The following DSCAML1 variants were observed in gnomAD, a reference collection of about 807,000 sequenced individuals.
The protein encoded by DSCAML1 is DS cell adhesion molecule like 1.
Under a neutral mutation model 200.5 loss-of-function variants are expected in DSCAML1, and 38 were observed. That is an observed-to-expected ratio of 0.19 (90% CI 0.15 to 0.25). The LOEUF (loss-of-function observed/expected upper bound fraction) is 0.25, where lower values mean the gene tolerates loss of function less well. Among genes scored for constraint, DSCAML1 ranks in the 10% least tolerant of loss-of-function variants. The pLI is 1.00. For synonymous variants in DSCAML1, 1,215 were observed against 1,165.0 expected, an observed-to-expected ratio of 1.04 and a Z score of -0.87; for missense variants, 2,223 against 2,858.8, an observed-to-expected ratio of 0.78 and a Z score of 5.07.
chr11:117,777,323 A>G lies in DSCAML1; in HGVS notation c.365-386T>C, dbSNP rs912540112. On this transcript the variant is annotated intron_variant, in intron 2 of 32. Coordinates refer to ENST00000651296, the MANE Select transcript of DSCAML1 (RefSeq NM_020693.4). ...TATTCACCAAGGGGATGTGCAGGTA[A>G]TAAGGAAATATGCTAGAATTCCCCT... Among the ~76,000 whole-genome samples, 6 of 152,330 alleles carry G rather than the reference A, an allele frequency of 3.9e-5. No individual in the cohort carries two copies. In the South Asian group the frequency reaches 8.3e-4, roughly 21 times the overall value.
chr11:117,687,426 A>ATTTTAAATTTTTT (rs552784985), intron 3 of DSCAML1, among the ~76,000 whole-genome samples: 5 of 97,684 alleles, frequency 5.1e-5, no homozygotes, highest in African/African-American at 2.1e-4. Context: ...ATGCCTGGCT[A>ATTTTAAATTTTTT]TTTTTTTTTT....
rs372349857 is a variant in DSCAML1, at chr11:117,505,067, A to C, written c.2063-24T>G. Reference sequence around the variant, plus strand: ...CACTGCAGAAAGAGGGAAGGTAGGGAAACAGACCATTTTAGTCTCTGATGG... The same window carrying C: ...CACTGCAGAAAGAGGGAAGGTAGGGCAACAGACCATTTTAGTCTCTGATGG... On this transcript the variant is annotated intron_variant, in intron 9 of 32. Coordinates refer to ENST00000651296, the MANE Select transcript of DSCAML1 (RefSeq NM_020693.4). The surrounding 1 kb of genome is among the most constrained non-coding windows in gnomAD (Gnocchi z 6.7). 1.2e-6 allele frequency: 2 copies of C among 1,603,436 alleles called. No individual in the cohort carries two copies. Among genetic ancestry groups the C allele is most frequent in the African/African-American group, 2.7e-5 (2 of 74,718 alleles).
chr11:117,769,169 TTTTA>T (rs1358596616), intron 3 of DSCAML1, among the ~76,000 whole-genome samples: 4 of 24,978 alleles, frequency 1.6e-4, no homozygotes, highest in East Asian at 0.011. Context: ...ATATTATATA[TTTTA>T]TATATATTAT....
At chr11:117,549,398 T>C (rs1173271030) in intron 3 of DSCAML1, among the ~76,000 whole-genome samples, 2 of 152,190 alleles carry the variant, frequency 1.3e-5, no homozygotes, top group Non-Finnish European at 1.5e-5. Context: ...GAATGGATGA[T>C]TGAATGAGCG....
chr11:117,636,209 G>C (rs758015631), intron 3 of DSCAML1, among the ~76,000 whole-genome samples: 8 of 152,190 alleles, frequency 5.3e-5, no homozygotes, highest in Non-Finnish European at 1.2e-4. Context: ...TCATCTGCAT[G>C]ATGGCTACAT....
chr11:117,456,667 A>G (rs994877287), intron 19 of DSCAML1, among the ~76,000 whole-genome samples: 2 of 72,658 alleles, frequency 2.8e-5, no homozygotes, highest in African/African-American at 1.2e-4. Context: ...TGAAGCAGTC[A>G]TTTCTTTTTT....
intron 3 of DSCAML1, among the ~76,000 whole-genome samples, chr11:117,715,374 TG>T (rs2053933810): frequency 6.6e-6 from 1 of 152,160 alleles, no homozygotes; most frequent in Non-Finnish European, 1.5e-5. Context: ...CGACTCCCTT[TG>T]TACCCCCAGC....
Position 117,541,417 on chromosome 11 carries a change from G to C in DSCAML1, c.512-8895C>G, listed in dbSNP as rs570842821. Among the ~76,000 whole-genome samples the C allele has an allele frequency of 7.2e-5, 11 of 152,340 alleles. 1 individual carries two copies. In the South Asian group the frequency reaches 1.9e-3, roughly 26 times the overall value. ...CACAGCAGATGCTCAGTGAACATCT[G>C]ATGTGTTGAATCAATGAATCCTGGC... On this transcript the variant is annotated intron_variant, in intron 3 of 32. Transcript: ENST00000651296.
At chr11:117,726,275 G>T (rs2054129607) in intron 3 of DSCAML1, among the ~76,000 whole-genome samples, 1 of 151,916 alleles carries the variant, frequency 6.6e-6, no homozygotes, top group South Asian at 2.1e-4. Flanking sequence ...GCGTGTGTGT[G>T]TGTGTGTGTG....
In DSCAML1 at chr11:117,521,276, A is replaced by C; in HGVS notation, c.1067T>G (p.Leu356Arg). 6.2e-7 allele frequency: 1 copy of C among 1,614,206 alleles called. No individual in the cohort carries two copies. Among genetic ancestry groups the C allele is most frequent in the East Asian group, 2.2e-5 (1 of 44,884 alleles). Residue 356 changes from leucine to arginine, a missense_variant, in exon 6 of 33, where the codon CTG becomes CGG. This residue lies in a region of DSCAML1 where 579 missense variants were observed against 721.5 expected (regional missense o/e 0.80). Coordinates refer to ENST00000651296, the MANE Select transcript of DSCAML1 (RefSeq NM_020693.4). ...IRWYRNTELVLPDEAISIRGL... is the reference protein window; with the variant it reads ...IRWYRNTELVRPDEAISIRGL... The stretch of plus-strand genomic sequence containing the variant: ...GCGGATGGAGATGGCCTCGTCAGGC[A>C]GCACCAGCTCCGTGTTGCGATACCA...
At chr11:117,535,971 CT>C (rs1272401128) in intron 3 of DSCAML1, among the ~76,000 whole-genome samples, 8 of 152,062 alleles carry the variant, frequency 5.3e-5, no homozygotes, top group Admixed American at 5.2e-4. Flanking sequence ...CAAGCAGCTG[CT>C]GCATCTGATG....
chr11:117,482,335 T>G (rs545283853), intron 11 of DSCAML1, among the ~76,000 whole-genome samples, 173 bp from the exon 12 acceptor site: 154 of 152,276 alleles, frequency 1.0e-3, no homozygotes, highest in African/African-American at 3.5e-3. Flanking sequence ...CATCCATGAC[T>G]GGGGCAGCCT....
chr11:117,638,204 C>T (rs868334088), intron 3 of DSCAML1, among the ~76,000 whole-genome samples: 2 of 152,098 alleles, frequency 1.3e-5, no homozygotes, highest in Admixed American at 6.5e-5. Context: ...CCAACCATCC[C>T]AGTTTCTCAG....
In DSCAML1 at chr11:117,435,920, C is replaced by T. The variant is rs2047905868; in HGVS notation, c.4721-121G>A. The T allele has an allele frequency of 2.7e-6, 3 of 1,113,138 alleles. No individual in the cohort carries two copies. In the East Asian group the frequency reaches 7.8e-5, roughly 29 times the overall value. The allele number at this position is 1,113,138 out of a possible 1,614,324, so 69.0% of individuals were successfully genotyped here. A position where few individuals can be genotyped will look rare whatever the true frequency, so the allele number is the denominator to read the frequency against. ...TGCCCTTGGGCTCTGACCTCCACCT[C>T]CTGGCACAGAACCCTGGACTTCCCC... On this transcript the variant is annotated intron_variant, in intron 26 of 32. Transcript: ENST00000651296.
At chr11:117,510,887 C>T (rs1359989310) in intron 8 of DSCAML1, among the ~76,000 whole-genome samples, 1 of 152,174 alleles carries the variant, frequency 6.6e-6, no homozygotes, top group African/African-American at 2.4e-5. Context: ...TTGGCAGTGG[C>T]TTCCTTGGTG....
intron 8 of DSCAML1, among the ~76,000 whole-genome samples, chr11:117,507,723 C>A (rs2049529045): frequency 1.3e-5 from 2 of 152,176 alleles, no homozygotes; most frequent in Non-Finnish European, 2.9e-5. Flanking sequence ...TTCTCATCCC[C>A]AAGCACATGG....
In DSCAML1 at chr11:117,518,633, A is replaced by G. The variant is rs771231259; in HGVS notation, c.1343T>C (p.Ile448Thr). ...GGTGCGGTGGCTGCCATCCCGCACGATGGGCTCATCGTCGAGGGCCCAGGT... is the reference window on the plus strand; with the variant it reads ...GGTGCGGTGGCTGCCATCCCGCACGGTGGGCTCATCGTCGAGGGCCCAGGT... ...TVTWALDDEP[I>T]VRDGSHRTNQ... The change falls in exon 7 of 33, where the codon ATC becomes ACC. Residue 448 changes from isoleucine to threonine, a missense_variant. This residue lies in a region of DSCAML1 where 579 missense variants were observed against 721.5 expected (regional missense o/e 0.80). Transcript: ENST00000651296. This position sits in a 1 kb window ranked among gnomAD's most constrained non-coding sequence, Gnocchi z 6.3. 1.9e-5 allele frequency: 30 copies of G among 1,613,432 alleles called. No homozygotes were observed. The Admixed American group carries it at 5.0e-4, about 27-fold the overall frequency.
At chr11:117,658,884 GC>G (rs1428954328) in intron 3 of DSCAML1, among the ~76,000 whole-genome samples, 3 of 152,200 alleles carry the variant, frequency 2.0e-5, no homozygotes, top group African/African-American at 4.8e-5. Context: ...TTAACTGGGT[GC>G]CCCCAGGTCA....
rs762529072 is a variant in DSCAML1, at chr11:117,482,124, C to A, written c.2398G>T (p.Ala800Ser). 3 of 1,613,988 alleles carry A rather than the reference C, an allele frequency of 1.9e-6. No individual in the cohort carries two copies. The African/African-American group carries it at 4.0e-5, about 22-fold the overall frequency. Residue 800 changes from alanine to serine, a missense_variant, in exon 12 of 33, where the codon GCC becomes TCC. Physicochemically the swap from Ala to Ser is moderately conservative, Grantham distance 99 (BLOSUM62 1). Around this residue, in one of 7 missense-constraint regions of DSCAML1, gnomAD observed 438 missense variants for 629.7 expected, o/e 0.70. Coordinates refer to ENST00000651296, the MANE Select transcript of DSCAML1 (RefSeq NM_020693.4). The part of the protein sequence containing the change: ...MITSHPNTTI[A>S]IKGHAKELNC... ...AGCTCCTTCGCATGGCCCTTGATGGCGATGGTGGTGTTGGGGTGGGAAGTG... is the reference window on the plus strand; with the variant it reads ...AGCTCCTTCGCATGGCCCTTGATGGAGATGGTGGTGTTGGGGTGGGAAGTG...
Sources: allele counts gnomAD v4.1 joint callset (sites outside exome capture counted in the v4.1 genomes callset), GRCh38; gene constraint gnomAD v4.1.1; regional missense constraint gnomAD v4.1.1; non-coding constraint Gnocchi (gnomAD v3.1); transcripts MANE v1.5; gene names NCBI Gene and HGNC (gene_info 2026-07-23, HGNC 2026-07-21).